The following PLSCR2 variants were observed in gnomAD, a reference collection of about 807,000 sequenced individuals.
The protein encoded by PLSCR2 is phospholipid scramblase 2.
In PLSCR2, 18 loss-of-function variants were observed where a neutral mutation model predicts 25.3. That is an observed-to-expected ratio of 0.71 (90% CI 0.49 to 1.06). PLSCR2 has a LOEUF of 1.06. Ranked by LOEUF, PLSCR2 falls within the 50% of genes least tolerant of loss-of-function variation. The probability of loss-of-function intolerance (pLI) is 0.00; values close to 1 mark genes in which losing one functional copy is unlikely to be tolerated. For synonymous variants in PLSCR2, 88 were observed against 87.3 expected (o/e 1.01, Z -0.04); for missense variants, 243 against 269.5 (o/e 0.90, Z 0.69).
At chr3:146,484,863 T>C (rs958113724) in intron 1 of PLSCR2, among the ~76,000 whole-genome samples, 1 of 152,068 alleles carries the variant, frequency 6.6e-6, no homozygotes, top group African/African-American at 2.4e-5. Context: ...CCAATGACAC[T>C]ATGAGGAAAC....
At chr3:146,464,073 C>T, upstream of PLSCR2, 1 of 544,482 alleles carries the variant, frequency 1.8e-6, no homozygotes, top group Non-Finnish European at 2.3e-6. Flanking sequence ...ATCCAGTTTG[C>T]ATTAACTGGT....
intron 3 of PLSCR2, among the ~76,000 whole-genome samples, chr3:146,455,909 T>C (rs561200029): frequency 2.0e-5 from 3 of 152,320 alleles, no homozygotes; most frequent in South Asian, 2.1e-4. Flanking sequence ...GTCATACTTA[T>C]GTCTTCTTTG....
chr3:146,396,762 A>C (rs569889432), intron 2 of PLSCR2, among the ~76,000 whole-genome samples: 1 of 152,280 alleles, frequency 6.6e-6, no homozygotes, highest in East Asian at 1.9e-4. Flanking sequence ...GCTGCTCATA[A>C]CACAGCCTTG....
intron 2 of PLSCR2, among the ~76,000 whole-genome samples, chr3:146,421,359 G>A (rs187740899): frequency 5.9e-4 from 90 of 151,984 alleles, no homozygotes; most frequent in Non-Finnish European, 1.1e-3. Context: ...TCTCATATTA[G>A]ATCAGCAGCA....
chr3:146,490,508 A>T (rs2043509198), intron 1 of PLSCR2, among the ~76,000 whole-genome samples: 1 of 152,120 alleles, frequency 6.6e-6, no homozygotes, highest in African/African-American at 2.4e-5. Flanking sequence ...TCTTTGCAGA[A>T]CTCTAAGAAC....
At chr3:146,402,530 C>T (rs543431638) in intron 2 of PLSCR2, among the ~76,000 whole-genome samples, 1 of 152,026 alleles carries the variant, frequency 6.6e-6, no homozygotes, top group South Asian at 2.1e-4. Context: ...TGCAGTGGCA[C>T]AGTCTCGGCT....
intron 1 of PLSCR2, among the ~76,000 whole-genome samples, chr3:146,491,990 C>T (rs1275595996): frequency 2.0e-5 from 3 of 152,108 alleles, no homozygotes; most frequent in Non-Finnish European, 4.4e-5. Context: ...AGGTTGCTGT[C>T]CTTTGGATGG....
At chr3:146,495,424 T>G (rs2043711250) in intron 1 of PLSCR2, among the ~76,000 whole-genome samples, 1 of 152,326 alleles carries the variant, frequency 6.6e-6, no homozygotes, top group African/African-American at 2.4e-5. Context: ...TCCAATGGAC[T>G]GAATATATCT....
upstream of PLSCR2, among the ~76,000 whole-genome samples, chr3:146,463,243 C>G (rs2041702862): frequency 6.6e-6 from 1 of 152,082 alleles, no homozygotes; most frequent in South Asian, 2.1e-4. Flanking sequence ...GTGGCGAGAT[C>G]TGGGCTCACT....
chr3:146,478,434 T>C (rs1234965486), intron 1 of PLSCR2, among the ~76,000 whole-genome samples: 1 of 152,126 alleles, frequency 6.6e-6, no homozygotes, highest in Admixed American at 6.5e-5. Context: ...GCATGAGAAC[T>C]TCAAGATGCA....
intron 2 of PLSCR2, among the ~76,000 whole-genome samples, chr3:146,428,035 T>C (rs1447493371): frequency 6.6e-6 from 1 of 152,174 alleles, no homozygotes; most frequent in East Asian, 1.9e-4. Flanking sequence ...AAAAATTAGA[T>C]TGCAAAACAA....
chr3:146,460,449 A>AG, upstream of PLSCR2, among the ~76,000 whole-genome samples: 1 of 151,832 alleles, frequency 6.6e-6, no homozygotes, highest in South Asian at 2.1e-4. Context: ...ATTGGAAAAA[A>AG]AAAAAAAAAA....
rs56655616 is a variant in PLSCR2, at chr3:146,483,479, GTATATA to G, written c.-293+12410_-293+12415del. Among the ~76,000 whole-genome samples the G allele has an allele frequency of 2.9e-3, 160 of 54,770 alleles. 1 individual carries two copies. The highest frequency in any genetic ancestry group is 0.012 in the South Asian group (17 of 1,434). The allele number at this position is 54,770 out of a possible 152,430, so 35.9% of individuals were successfully genotyped here. On this transcript the variant is annotated intron_variant, in intron 1 of 8. Transcript: ENST00000336685. ...TATATATATATATATATATACATGT[GTATATA>G]TATATATATATATATATATATATAA...
intron 2 of PLSCR2, among the ~76,000 whole-genome samples, chr3:146,424,874 C>G (rs566626509): frequency 1.1e-4 from 12 of 108,432 alleles, no homozygotes; most frequent in Admixed American, 3.3e-4. Flanking sequence ...CCCTAAAGTG[C>G]AAGAGTAGTG....
At position 146,423,279 on chromosome 3, in the gene PLSCR2, CT is replaced by C. The variant is rs1559981829; in HGVS notation, c.101-27359del. The stretch of plus-strand genomic sequence containing the variant: ...TCTCTCTCTCTCTCTCTCTCTCTCT[CT>C]CTCCCTGGCTAGATTCTCACAAGAA... On this transcript the variant is annotated intron_variant and NMD_transcript_variant, in intron 2 of 3. Transcript: ENST00000463633. Among the ~76,000 whole-genome samples, 1,040 of 135,424 alleles carry C rather than the reference CT, an allele frequency of 7.7e-3. 74 individuals carry two copies. The highest frequency in any genetic ancestry group is 0.01 in the Non-Finnish European group (648 of 64,004). 88.8% of individuals were successfully genotyped at this position (135,424 alleles called of 152,430 possible). A position where few individuals can be genotyped will look rare whatever the true frequency, so the allele number is the denominator to read the frequency against.
chr3:146,412,486 A>G (rs1261129665), intron 2 of PLSCR2, among the ~76,000 whole-genome samples: 3 of 152,162 alleles, frequency 2.0e-5, no homozygotes, highest in African/African-American at 7.2e-5. Context: ...CTGGAGTTGC[A>G]GCATGAGTTG....
intron 1 of PLSCR2, among the ~76,000 whole-genome samples, chr3:146,495,656 A>G (rs185975378): frequency 6.6e-6 from 1 of 152,178 alleles, no homozygotes; most frequent in South Asian, 2.1e-4. Context: ...AAATCTGTTT[A>G]ATTCTGGGCT....
rs370541530 is a variant in PLSCR2, at chr3:146,483,014, G to A, written c.-293+12881C>T. Among the ~76,000 whole-genome samples the A allele has an allele frequency of 3.4e-4, 52 of 152,094 alleles. No individual in the cohort carries two copies. In the South Asian group the frequency reaches 0.01, roughly 29 times the overall value. On this transcript the variant is annotated intron_variant, in intron 1 of 8. Transcript: ENST00000336685. ...ACCATAGTGTTGGAAGTTCTGGCCA[G>A]GGCAATCAGGCAGGAGAAAGAAATA...
At chr3:146,484,356 C>G (rs56080524) in intron 1 of PLSCR2, among the ~76,000 whole-genome samples, 4,206 of 151,746 alleles carry the variant, frequency 0.028, 221 homozygotes, top group African/African-American at 0.096. Flanking sequence ...AATAAGTTGG[C>G]AAACACACTT....
Sources: allele counts gnomAD v4.1 joint callset (sites outside exome capture counted in the v4.1 genomes callset), GRCh38; gene constraint gnomAD v4.1.1; transcripts MANE v1.5; gene names NCBI Gene and HGNC (gene_info 2026-07-23, HGNC 2026-07-21).